The following PCDH9 variants were observed in gnomAD, a reference collection of about 807,000 sequenced individuals.
The protein encoded by PCDH9 is protocadherin-9.
In PCDH9, 24 loss-of-function variants were observed where a neutral mutation model predicts 70.6. The observed-to-expected ratio is 0.34, with a 90% confidence interval of 0.25 to 0.48. The LOEUF (loss-of-function observed/expected upper bound fraction) is 0.48, where lower values mean the gene tolerates loss of function less well. PCDH9 is among the 20% of genes least tolerant of loss of function. PCDH9 has a pLI of 0.99. For missense variants in PCDH9, 1,281 were observed against 1,503.6 expected (o/e 0.85, Z 2.45); for synonymous variants, 562 against 558.5 (o/e 1.01, Z -0.09).
At chr13:66,855,506 AT>A (rs2081380727) in intron 3 of PCDH9, among the ~76,000 whole-genome samples, 1 of 151,968 alleles carries the variant, frequency 6.6e-6, no homozygotes, top group African/African-American at 2.4e-5. Flanking sequence ...TCATTTTCTG[AT>A]TTTGCTAGAC....
At chr13:66,981,964 A>G (rs1190916928) in intron 2 of PCDH9, among the ~76,000 whole-genome samples, 7 of 152,170 alleles carry the variant, frequency 4.6e-5, no homozygotes, top group Non-Finnish European at 1.0e-4. Context: ...CCCCCGCCCA[A>G]ATCTCATGTT....
intron 2 of PCDH9, among the ~76,000 whole-genome samples, chr13:67,030,711 T>C (rs2084888911): frequency 6.6e-6 from 1 of 152,170 alleles, no homozygotes; most frequent in Admixed American, 6.6e-5. Context: ...TTAGCACCTT[T>C]ATCATGAAGG....
chr13:67,120,801 G>A (rs899966484), intron 2 of PCDH9, among the ~76,000 whole-genome samples: 1 of 151,862 alleles, frequency 6.6e-6, no homozygotes, highest in Admixed American at 6.6e-5. Context: ...TTTATGGACT[G>A]CTTTTAAATT....
chr13:66,345,109 T>C (rs1159542111), intron 4 of PCDH9, among the ~76,000 whole-genome samples: 2 of 152,112 alleles, frequency 1.3e-5, no homozygotes, highest in Admixed American at 6.5e-5. Flanking sequence ...CAGCCTGAGA[T>C]GTATAATTCG....
chr13:66,876,578 T>G (rs2081815519), intron 3 of PCDH9, among the ~76,000 whole-genome samples: 1 of 152,158 alleles, frequency 6.6e-6, no homozygotes, highest in African/African-American at 2.4e-5. Context: ...TTTTTGTTTT[T>G]GTTTTGTAGA....
chr13:67,043,554 C>A (rs2085164453), intron 2 of PCDH9, among the ~76,000 whole-genome samples: 1 of 151,906 alleles, frequency 6.6e-6, no homozygotes, highest in South Asian at 2.1e-4. Context: ...ATTATAGGGT[C>A]TATGGGCCAA....
chr13:66,370,203 T>C (rs529726886), intron 4 of PCDH9, among the ~76,000 whole-genome samples: 1 of 152,116 alleles, frequency 6.6e-6, no homozygotes, highest in African/African-American at 2.4e-5. Context: ...AGGAATGTCT[T>C]CCTCAAGGAC....
chr13:66,470,461 A>C (rs1181008120), intron 4 of PCDH9, among the ~76,000 whole-genome samples: 1 of 152,138 alleles, frequency 6.6e-6, no homozygotes, highest in African/African-American at 2.4e-5. Flanking sequence ...AAGTACTCTG[A>C]AAATCTCAAA....
At chr13:67,056,932 T>A (rs2085432009) in intron 2 of PCDH9, among the ~76,000 whole-genome samples, 1 of 152,140 alleles carries the variant, frequency 6.6e-6, no homozygotes, top group African/African-American at 2.4e-5. Flanking sequence ...ATGCAAAAAA[T>A]TTTGGATACA....
In PCDH9 at chr13:66,644,266, T is replaced by C. The variant is rs566737820; in HGVS notation, c.3139-12855A>G. 3.9e-5 allele frequency among the ~76,000 whole-genome samples: 6 copies of C among 152,080 alleles called. No homozygotes were observed. In the South Asian group the frequency reaches 1.2e-3, roughly 31 times the overall value. On this transcript the variant is annotated intron_variant, in intron 3 of 4. Transcript: ENST00000377865. ...ATGATAAGTTAACACTAACATTAAC[T>C]ATGAATTTTATTAATAAAAAATGCA...
intron 4 of PCDH9, among the ~76,000 whole-genome samples, chr13:66,352,167 C>T (rs893418842): frequency 2.0e-5 from 3 of 152,088 alleles, no homozygotes; most frequent in Admixed American, 2.0e-4. Flanking sequence ...GCATCTTTTT[C>T]CTCAAAACTA....
intron 4 of PCDH9, among the ~76,000 whole-genome samples, chr13:66,459,156 T>G (rs1958372782): frequency 6.6e-6 from 1 of 152,050 alleles, no homozygotes; most frequent in African/African-American, 2.4e-5. Context: ...ATGTTTCAGG[T>G]GTAAGATATT....
At chr13:66,899,269 T>A (rs980212323) in intron 3 of PCDH9, among the ~76,000 whole-genome samples, 25 of 151,960 alleles carry the variant, frequency 1.6e-4, no homozygotes, top group African/African-American at 5.6e-4. Flanking sequence ...CAGTGGCCCA[T>A]CCTGGGATAT....
intron 2 of PCDH9, among the ~76,000 whole-genome samples, chr13:66,917,685 A>C (rs189572597): frequency 3.3e-5 from 5 of 151,576 alleles, no homozygotes; most frequent in African/African-American, 9.6e-5. Flanking sequence ...TTTTCTTTTA[A>C]ATCTACTAAA....
chr13:67,168,453 C>T (rs1180658327), intron 2 of PCDH9, among the ~76,000 whole-genome samples: 1 of 152,192 alleles, frequency 6.6e-6, no homozygotes. Context: ...TCAAGCCACG[C>T]ACAGTGGCTC....
rs953547750 is a variant in PCDH9 at position 66,420,748 on chromosome 13, A to C, written c.3341-115720T>G. 3.9e-5 allele frequency among the ~76,000 whole-genome samples: 6 copies of C among 152,282 alleles called. No individual in the cohort carries two copies. In the East Asian group the frequency reaches 1.2e-3, roughly 30 times the overall value. ...AGGAAAAACCAGCACAAAAAGCTGAAAATTCCAAAAACCAGAATACCTCCT... is the reference window on the plus strand; with the variant it reads ...AGGAAAAACCAGCACAAAAAGCTGACAATTCCAAAAACCAGAATACCTCCT... On this transcript the variant is annotated intron_variant, in intron 4 of 4. Transcript: ENST00000377865.
chr13:67,013,264 A>AACACACACACACACACACACACAC (rs111347560), intron 2 of PCDH9, among the ~76,000 whole-genome samples: 73 of 144,490 alleles, frequency 5.1e-4, no homozygotes, highest in African/African-American at 1.8e-3. Context: ...TTTTTAATGT[A>AACACACACACACACACACACACAC]ACACACACAC....
At chr13:66,662,315 A>G (rs2078021738) in intron 3 of PCDH9, among the ~76,000 whole-genome samples, 2 of 152,068 alleles carry the variant, frequency 1.3e-5, no homozygotes, top group South Asian at 4.2e-4. Context: ...TCTACTAAAA[A>G]TACAAAAATT....
At chr13:67,060,553 T>C (rs1260349715) in intron 2 of PCDH9, among the ~76,000 whole-genome samples, 1 of 152,132 alleles carries the variant, frequency 6.6e-6, no homozygotes, top group African/African-American at 2.4e-5. Context: ...TTTTTTTAAA[T>C]GACTCTTTTA....
Sources: allele counts gnomAD v4.1 joint callset (sites outside exome capture counted in the v4.1 genomes callset), GRCh38; gene constraint gnomAD v4.1.1; transcripts MANE v1.5; gene names NCBI Gene and HGNC (gene_info 2026-07-23, HGNC 2026-07-21).